The following UNC13C variants were observed in gnomAD, a reference collection of about 807,000 sequenced individuals.
UNC13C encodes protein unc-13 homolog C.
Under a neutral mutation model 245.4 loss-of-function variants are expected in UNC13C, and 174 were observed. The observed-to-expected ratio is 0.71, with a 90% CI of 0.63 to 0.80. UNC13C has a LOEUF of 0.80. Ranked by LOEUF, UNC13C falls within the 30% of genes least tolerant of loss-of-function variation. The pLI, the probability that UNC13C is intolerant of heterozygous loss-of-function variation, is 0.00. For missense variants in UNC13C, 2,829 were observed against 2,602.9 expected (o/e 1.09, Z -1.89); for synonymous variants, 992 against 895.1 (o/e 1.11, Z -1.93).
At chr15:54,332,335 G>GTGTGTA (rs777603712) in intron 15 of UNC13C, among the ~76,000 whole-genome samples, 4 of 151,334 alleles carry the variant, frequency 2.6e-5, no homozygotes, top group Non-Finnish European at 1.5e-5. Flanking sequence ...GTGTGTGTGT[G>GTGTGTA]TGTTTGTGTA....
chr15:54,180,405 G>A (rs535491180), intron 4 of UNC13C, among the ~76,000 whole-genome samples: 69 of 152,114 alleles, frequency 4.5e-4, no homozygotes, highest in African/African-American at 1.6e-3. Flanking sequence ...AATCCACCGT[G>A]GATGGGCACC....
At chr15:54,517,010 G>A (rs905684056) in intron 24 of UNC13C, among the ~76,000 whole-genome samples, 33 of 151,910 alleles carry the variant, frequency 2.2e-4, no homozygotes, top group Admixed American at 5.9e-4. Context: ...AAAGGTAGTC[G>A]ATTTGCAATC....
At chr15:54,180,611 C>T (rs1271853762) in intron 4 of UNC13C, among the ~76,000 whole-genome samples, 2 of 152,054 alleles carry the variant, frequency 1.3e-5, no homozygotes, top group East Asian at 3.9e-4. Flanking sequence ...AATTTACATT[C>T]CCACTAAGTG....
intron 4 of UNC13C, among the ~76,000 whole-genome samples, chr15:54,203,994 A>C (rs1348362582): frequency 6.6e-6 from 1 of 151,692 alleles, no homozygotes; most frequent in East Asian, 1.9e-4. Context: ...TGGCATTTGC[A>C]ACAACCTGGT....
At chr15:54,173,925 A>G (rs2033512770) in intron 4 of UNC13C, among the ~76,000 whole-genome samples, 1 of 152,084 alleles carries the variant, frequency 6.6e-6, no homozygotes, top group East Asian at 1.9e-4. Flanking sequence ...TGAATTTGTC[A>G]AATGCCATTT....
intron 30 of UNC13C, among the ~76,000 whole-genome samples, chr15:54,605,253 G>GT (rs1344102012): frequency 2.0e-5 from 3 of 152,174 alleles, no homozygotes; most frequent in African/African-American, 7.2e-5. Flanking sequence ...AGACAGCTGA[G>GT]TTCTAAGAGG....
chr15:54,230,698 C>T (rs1264765982), intron 4 of UNC13C, among the ~76,000 whole-genome samples: 1 of 151,598 alleles, frequency 6.6e-6, no homozygotes, highest in African/African-American at 2.4e-5. Flanking sequence ...AACTGAGAAA[C>T]AAAAGAAAAC....
chr15:54,385,397 A>G (rs927047977), intron 17 of UNC13C, among the ~76,000 whole-genome samples: 5 of 151,468 alleles, frequency 3.3e-5, no homozygotes, highest in African/African-American at 1.2e-4. Flanking sequence ...TTTCAGTCAC[A>G]TGGGTGGAAC....
intron 19 of UNC13C, among the ~76,000 whole-genome samples, chr15:54,441,512 A>G (rs929894946): frequency 7.2e-5 from 11 of 152,014 alleles, no homozygotes; most frequent in Admixed American, 3.9e-4. Flanking sequence ...AAATATGTGA[A>G]TATATTTTAG....
chr15:54,160,271 C>G (rs4774687), intron 4 of UNC13C, among the ~76,000 whole-genome samples: 1 of 150,984 alleles, frequency 6.6e-6, no homozygotes, highest in Non-Finnish European at 1.5e-5. Flanking sequence ...AGGATTGATA[C>G]AGTGATTTGA....
chr15:53,959,303 T>A, the UNC13C span, among the ~76,000 whole-genome samples: 4 of 152,290 alleles, frequency 2.6e-5, no homozygotes, highest in Middle Eastern at 6.8e-3. Context: ...CTTGTATATA[T>A]TCTCAGCAGT....
chr15:54,489,491 A>T (rs111261312), intron 19 of UNC13C, among the ~76,000 whole-genome samples: 1 of 152,238 alleles, frequency 6.6e-6, no homozygotes, highest in Admixed American at 6.5e-5. Context: ...GTATGTGTGT[A>T]TATATACATC....
At chr15:54,098,306 C>T (rs1163118365) in intron 2 of UNC13C, among the ~76,000 whole-genome samples, 1 of 152,162 alleles carries the variant, frequency 6.6e-6, no homozygotes, top group Non-Finnish European at 1.5e-5. Flanking sequence ...TCCTGAGTAG[C>T]TGGGATTACA....
In UNC13C at chr15:54,023,553, G is replaced by C. The variant is rs570565878; in HGVS notation, c.2983+7667G>C. ...ATTTTATTAGGGGTGAAGAAGTTAA[G>C]TGCCAATAAGATTAGTTTTTGAGAA... On this transcript the variant is annotated intron_variant, in intron 2 of 32. Transcript: ENST00000260323. Among the ~76,000 whole-genome samples the C allele has an allele frequency of 9.2e-4, 140 of 152,316 alleles. 1 individual carries two copies. The highest frequency in any genetic ancestry group is 3.4e-3 in the Middle Eastern group (1 of 294).
intron 14 of UNC13C, among the ~76,000 whole-genome samples, 152 bp downstream of exon 14, chr15:54,322,247 A>G (rs1159174423): frequency 6.6e-6 from 1 of 152,078 alleles, no homozygotes; most frequent in Non-Finnish European, 1.5e-5. Flanking sequence ...TTCATTTGAA[A>G]CATTTTTAGT....
At chr15:53,913,120 T>C in the UNC13C span, 1 of 152,204 alleles carries the variant, frequency 6.6e-6, no homozygotes, top group African/African-American at 2.4e-5. Flanking sequence ...CCACCATATG[T>C]CATGGTCTTG....
intron 2 of UNC13C, among the ~76,000 whole-genome samples, chr15:54,057,333 T>A (rs1342040187): frequency 1.3e-5 from 2 of 150,704 alleles, no homozygotes; most frequent in East Asian, 3.9e-4. Flanking sequence ...AAAACAGACT[T>A]TAAACCAACA....
chr15:54,584,852 G>GT (rs1166609786), intron 30 of UNC13C, among the ~76,000 whole-genome samples: 1 of 152,198 alleles, frequency 6.6e-6, no homozygotes, highest in Non-Finnish European at 1.5e-5. Flanking sequence ...TATATAGAGA[G>GT]TAAGTGGTGG....
At chr15:54,246,362 C>CA (rs1366643473) in intron 7 of UNC13C, among the ~76,000 whole-genome samples, 19 of 145,202 alleles carry the variant, frequency 1.3e-4, no homozygotes, top group East Asian at 6.0e-4. Context: ...TCTATAACAG[C>CA]AAAAAAAATT....
Sources: gnomAD v4.1 joint callset for allele counts (sites outside exome capture counted in the v4.1 genomes callset) on GRCh38, gnomAD v4.1.1 for gene constraint, MANE v1.5 for transcripts, NCBI Gene and HGNC (gene_info 2026-07-23, HGNC 2026-07-21) for gene names.